CD2: variants seen among roughly 807,000 people sequenced by gnomAD.
CD2 encodes T-cell surface antigen CD2.
A neutral mutation model predicts 23.2 loss-of-function variants in CD2; 18 were observed. That is an observed-to-expected ratio of 0.77 (90% CI 0.54 to 1.15). The LOEUF (loss-of-function observed/expected upper bound fraction) is 1.15, where lower values mean the gene tolerates loss of function less well. Among genes scored for constraint, CD2 ranks in the 50% most tolerant of loss-of-function variants. The pLI, the probability that CD2 is intolerant of heterozygous loss-of-function variation, is 0.00. For missense variants in CD2, 424 were observed against 423.1 expected (o/e 1.00, Z -0.02); for synonymous variants, 162 against 151.9 (o/e 1.07, Z -0.49).
intron 2 of CD2, 130 bp downstream of exon 2, chr1:116,755,081 T>C (rs1287147855): frequency 1.5e-6 from 1 of 655,290 alleles, no homozygotes; most frequent in Non-Finnish European, 2.7e-6. Flanking sequence ...ACCAGATGCA[T>C]GTCTCCTGCC....
In CD2 at chr1:116,760,606, C is replaced by A; in HGVS notation, c.587C>A (p.Ser196Tyr). ...CTAGNKVSKE[S>Y]SVEPVSCPEK... ...GCAGGGAACAAAGTCAGCAAGGAAT[C>A]CAGTGTCGAGCCTGTCAGCTGTCCA... Residue 196 changes from serine to tyrosine, a missense_variant, in exon 3 of 5, where the codon TCC (serine) becomes TAC (tyrosine). Transcript: ENST00000369478. 1 of 1,614,188 alleles carries A rather than the reference C, an allele frequency of 6.2e-7. No homozygotes were observed. Among genetic ancestry groups the A allele is most frequent in the Non-Finnish European group, 8.5e-7 (1 of 1,179,996 alleles).
chr1:116,764,475 C>G lies in CD2; in HGVS notation c.614-9C>G. The G allele has an allele frequency of 1.2e-6, 2 of 1,613,426 alleles. No individual in the cohort carries two copies. On this transcript the variant is annotated splice_polypyrimidine_tract_variant and intron_variant, in intron 3 of 4. Coordinates refer to ENST00000369478, the MANE Select transcript of CD2 (RefSeq NM_001767.5). ...CCTCCCAGCCATCCCACTTCTCTTCCTTTTGCAGAGAAAGGTCTGGACATC... is the reference window on the plus strand; with the variant it reads ...CCTCCCAGCCATCCCACTTCTCTTCGTTTTGCAGAGAAAGGTCTGGACATC...
intron 2 of CD2, among the ~76,000 whole-genome samples, chr1:116,757,743 A>ATATC (rs964130804): frequency 1.3e-5 from 2 of 149,838 alleles, no homozygotes; most frequent in African/African-American, 4.9e-5. Flanking sequence ...AATATTACAT[A>ATATC]TATATATATA....
intron 4 of CD2, among the ~76,000 whole-genome samples, chr1:116,767,280 A>T (rs923013149): frequency 1.3e-5 from 2 of 152,248 alleles, no homozygotes; most frequent in Non-Finnish European, 2.9e-5. Context: ...CCAGCCACAC[A>T]TCTCCATAAA....
chr1:116,768,415 T>C (rs746850439), intron 4 of CD2, 49 bp from the exon 5 acceptor site: 111 of 1,556,782 alleles, frequency 7.1e-5, no homozygotes, highest in Non-Finnish European at 9.4e-5. Context: ...AATATTTACA[T>C]TGATTTCACC....
At chr1:116,759,023 T>G (rs1341712087) in intron 2 of CD2, among the ~76,000 whole-genome samples, 1 of 152,088 alleles carries the variant, frequency 6.6e-6, no homozygotes, top group Non-Finnish European at 1.5e-5. Context: ...AAAACGGCCT[T>G]TAGTATATTC....
In CD2 at chr1:116,754,440, C is replaced by T; in HGVS notation, c.-53C>T. The T allele has an allele frequency of 6.6e-7, 1 of 1,505,414 alleles. No homozygotes were observed. The highest frequency in any genetic ancestry group is 9.2e-7 in the Non-Finnish European group (1 of 1,087,666). 93.3% of individuals were successfully genotyped at this position (1,505,414 alleles called of 1,614,324 possible). ...GGTGTGGACTCCACCAGTCTCACTT[C>T]AGTTCCTTTTGCATGAAGAGCTCAG... On this transcript the variant is annotated 5_prime_UTR_variant, in exon 1 of 5. Transcript: ENST00000369478.
chr1:116,763,062 TC>T (rs1317993240), intron 3 of CD2, among the ~76,000 whole-genome samples: 1 of 152,190 alleles, frequency 6.6e-6, no homozygotes, highest in African/African-American at 2.4e-5. Context: ...CTCTGGTATC[TC>T]CTGCCCCTCG....
chr1:116,766,287 G>A (rs1652212240), intron 4 of CD2, among the ~76,000 whole-genome samples: 1 of 152,168 alleles, frequency 6.6e-6, no homozygotes, highest in African/African-American at 2.4e-5. Flanking sequence ...GCTTGAACCA[G>A]GCAGGGTGCA....
At chr1:116,756,995 T>C (rs1485226625) in intron 2 of CD2, among the ~76,000 whole-genome samples, 14 of 151,028 alleles carry the variant, frequency 9.3e-5, no homozygotes, top group South Asian at 2.1e-4. Context: ...GCTTCTCTTT[T>C]TTTTTTTTTT....
chr1:116,759,274 A>G (rs1651958579), intron 2 of CD2, among the ~76,000 whole-genome samples: 1 of 152,148 alleles, frequency 6.6e-6, no homozygotes, highest in Admixed American at 6.5e-5. Flanking sequence ...ACATAAATGA[A>G]GTTTGACTAT....
chr1:116,767,547 C>T (rs1652251863), intron 4 of CD2, among the ~76,000 whole-genome samples: 1 of 149,262 alleles, frequency 6.7e-6, no homozygotes, highest in Non-Finnish European at 1.5e-5. Flanking sequence ...GCCAAGATCG[C>T]ACCATTGCAC....
chr1:116,764,607 G>A lies in CD2; in HGVS notation c.736+1G>A. 1 of 1,613,316 alleles carries A rather than the reference G, an allele frequency of 6.2e-7. No individual in the cohort carries two copies. The highest frequency in any genetic ancestry group is 8.5e-7 in the Non-Finnish European group (1 of 1,179,382). Reference sequence around the variant, plus strand: ...AAAAAACAGAGGAGTCGGAGAAATGGTAAGCTCCCCCTCTTTTGTCCCACC... The same window carrying A: ...AAAAAACAGAGGAGTCGGAGAAATGATAAGCTCCCCCTCTTTTGTCCCACC... On this transcript the variant is annotated splice_donor_variant, in intron 4 of 4. Coordinates refer to ENST00000369478, the MANE Select transcript of CD2 (RefSeq NM_001767.5). LOFTEE classifies it high-confidence loss of function.
At chr1:116,760,091 AC>A (rs1003749399) in intron 2 of CD2, among the ~76,000 whole-genome samples, 3 of 152,166 alleles carry the variant, frequency 2.0e-5, no homozygotes, top group African/African-American at 4.8e-5. Flanking sequence ...GGGAAGAAAA[AC>A]ATCAGCCTGT....
In CD2 at chr1:116,768,824, A is replaced by G; in HGVS notation, c.*41A>G. The G allele has an allele frequency of 6.4e-7, 1 of 1,556,690 alleles. No individual in the cohort carries two copies. Among genetic ancestry groups the G allele is most frequent in the Non-Finnish European group, 8.7e-7 (1 of 1,145,814 alleles). On this transcript the variant is annotated 3_prime_UTR_variant, in exon 5 of 5. Transcript: ENST00000369478. ...TCTTTTTCAATAAAAAGCACTGTGG[A>G]TTTCTGCCCTCCTGATGTGCATATC...
chr1:116,755,495 T>C (rs1571236727), intron 2 of CD2, among the ~76,000 whole-genome samples: 2 of 152,330 alleles, frequency 1.3e-5, no homozygotes, highest in East Asian at 1.9e-4. Context: ...TTTTTGCTGA[T>C]ATGTGTAGAA....
rs752236067 is a variant in CD2 at position 116,768,792 on chromosome 1, G to A, written c.*9G>A. ...CCCCTTCCTCTAATTAAAAAAGATA[G>A]AAACTGTCTTTTTCAATAAAAAGCA... On this transcript the variant is annotated 3_prime_UTR_variant, in exon 5 of 5. Coordinates refer to ENST00000369478, the MANE Select transcript of CD2 (RefSeq NM_001767.5). The A allele has an allele frequency of 1.9e-6, 3 of 1,601,668 alleles. No homozygotes were observed. The East Asian group carries it at 6.7e-5, about 36-fold the overall frequency.
chr1:116,756,271 A>C (rs3768448), intron 2 of CD2, among the ~76,000 whole-genome samples: 1 of 152,094 alleles, frequency 6.6e-6, no homozygotes, highest in Non-Finnish European at 1.5e-5. Flanking sequence ...AAACAGCACA[A>C]AACTCGAGTG....
chr1:116,761,755 AC>A (rs1270173934), intron 3 of CD2, among the ~76,000 whole-genome samples: 2 of 151,918 alleles, frequency 1.3e-5, no homozygotes, highest in African/African-American at 4.8e-5. Flanking sequence ...GCATCACTTC[AC>A]CCCCGGTTTT....
Sources: gnomAD v4.1 joint callset for allele counts (sites outside exome capture counted in the v4.1 genomes callset) on GRCh38, gnomAD v4.1.1 for gene constraint, MANE v1.5 for transcripts, NCBI Gene and HGNC (gene_info 2026-07-23, HGNC 2026-07-21) for gene names.